Variants in CLSTN2 observed in about 807,000 individuals in gnomAD.
The protein encoded by CLSTN2 is calsyntenin-2.
CLSTN2 carries 48 observed loss-of-function variants against 101.2 expected under a neutral mutation model. The observed-to-expected ratio is 0.47, with a 90% confidence interval of 0.38 to 0.60. The LOEUF (loss-of-function observed/expected upper bound fraction) is 0.60. Among genes scored for constraint, CLSTN2 ranks in the 20% least tolerant of loss-of-function variants. CLSTN2 has a pLI of 0.00. For missense variants in CLSTN2, 1,160 were observed against 1,238.2 expected (o/e 0.94, Z 0.95); for synonymous variants, 481 against 463.6 (o/e 1.04, Z -0.48).
At chr3:140,522,769 TATTTTTATTTCCTTTCTGAA>T (rs1935057684) in intron 8 of CLSTN2, among the ~76,000 whole-genome samples, 1 of 152,258 alleles carries the variant, frequency 6.6e-6, no homozygotes, top group Non-Finnish European at 1.5e-5. Flanking sequence ...CTTATTGATT[TATTTTTATTTCCTTTCTGAA>T]ATTTTTATTC....
At position 140,562,208 on chromosome 3, in the gene CLSTN2, G is replaced by A. The variant is rs775826237; in HGVS notation, c.2112G>A (p.Gly704=). 14 of 1,613,872 alleles carry A rather than the reference G, an allele frequency of 8.7e-6. No individual in the cohort carries two copies. The highest frequency in any genetic ancestry group is 1.0e-5 in the Non-Finnish European group (12 of 1,179,920). The change falls in exon 13 of 17, where the codon GGG becomes GGA. Residue 704 remains glycine, a synonymous_variant. Coordinates refer to ENST00000458420, the MANE Select transcript of CLSTN2 (RefSeq NM_022131.3). ...LDFCDILVIG[G]DLDPRQECLE... is the part of the protein sequence containing the mutation. ...TCTGTGACATTTTGGTGATCGGAGG[G>A]GACTTGGACCCAAGGCAGGAGTGCT...
intron 2 of CLSTN2, among the ~76,000 whole-genome samples, chr3:140,261,668 A>G (rs1288458349): frequency 1.3e-5 from 2 of 150,416 alleles, no homozygotes; most frequent in Non-Finnish European, 2.9e-5. Flanking sequence ...TACTATGTAT[A>G]CTAGCCTGTT....
At chr3:139,964,324 A>G (rs957878070) in intron 1 of CLSTN2, among the ~76,000 whole-genome samples, 7 of 152,110 alleles carry the variant, frequency 4.6e-5, no homozygotes, top group African/African-American at 1.7e-4. Flanking sequence ...GGCTAGAGGA[A>G]TGTAGGAATG....
chr3:140,381,524 T>C (rs1174416064), intron 2 of CLSTN2, among the ~76,000 whole-genome samples: 3 of 152,226 alleles, frequency 2.0e-5, no homozygotes, highest in African/African-American at 7.2e-5. Flanking sequence ...TTGTTGTCAT[T>C]GTGAGGTCTA....
At chr3:140,473,336 C>A (rs1300950796) in intron 8 of CLSTN2, among the ~76,000 whole-genome samples, 1 of 152,138 alleles carries the variant, frequency 6.6e-6, no homozygotes, top group African/African-American at 2.4e-5. Context: ...AATAATGGTC[C>A]CCAAAGATGT....
At chr3:140,052,448 A>G (rs1475595141) in intron 1 of CLSTN2, among the ~76,000 whole-genome samples, 6 of 152,206 alleles carry the variant, frequency 3.9e-5, no homozygotes, top group Admixed American at 2.6e-4. Flanking sequence ...AAGCCACCGC[A>G]CCTGGCCAAT....
intron 1 of CLSTN2, among the ~76,000 whole-genome samples, chr3:140,029,073 T>C (rs2007491780): frequency 6.6e-6 from 1 of 152,206 alleles, no homozygotes; most frequent in Non-Finnish European, 1.5e-5. Context: ...CATTGCACGA[T>C]GAGTTTGGTG....
At chr3:139,939,123 A>G (rs1405139479) in intron 1 of CLSTN2, among the ~76,000 whole-genome samples, 1 of 152,162 alleles carries the variant, frequency 6.6e-6, no homozygotes, top group Non-Finnish European at 1.5e-5. Context: ...TGCAGAGACA[A>G]AGTTTACAAA....
At position 140,205,622 on chromosome 3, in the gene CLSTN2, C is replaced by G. The variant is rs1342425458; in HGVS notation, c.232+29549C>G. 2.0e-5 allele frequency among the ~76,000 whole-genome samples: 2 copies of G among 99,234 alleles called. 1 individual carries two copies. The highest frequency in any genetic ancestry group is 7.5e-5 in the African/African-American group (2 of 26,814). 65.1% of individuals were successfully genotyped at this position (99,234 alleles called of 152,430 possible). On this transcript the variant is annotated intron_variant, in intron 2 of 16. Coordinates refer to ENST00000458420, the MANE Select transcript of CLSTN2 (RefSeq NM_022131.3). ...GTTGTTGTTTGGACCTGACCCGCCC[C>G]CCACCCACACACACACACAGCCACC... is the stretch of plus-strand genomic sequence containing the variant.
At chr3:140,358,903 C>T (rs1018963529) in intron 2 of CLSTN2, among the ~76,000 whole-genome samples, 1 of 152,016 alleles carries the variant, frequency 6.6e-6, no homozygotes, top group African/African-American at 2.4e-5. Flanking sequence ...GGGTACACAC[C>T]AAGGCTGTCA....
intron 1 of CLSTN2, among the ~76,000 whole-genome samples, chr3:139,967,862 T>C (rs946455911): frequency 2.6e-5 from 4 of 152,152 alleles, no homozygotes; most frequent in Non-Finnish European, 5.9e-5. Context: ...AGGCAGAAAC[T>C]ACCCATTTTT....
rs959015264 is a variant in CLSTN2, at chr3:140,204,353, A to G, written c.232+28280A>G. Among the ~76,000 whole-genome samples the G allele has an allele frequency of 2.6e-5, 4 of 152,140 alleles. No individual in the cohort carries two copies. In the East Asian group the frequency reaches 7.7e-4, roughly 29 times the overall value. On this transcript the variant is annotated intron_variant, in intron 2 of 16. Transcript: ENST00000458420. ...TCTGTCCCTTTCTCTCCAAACTTGC[A>G]CGAGTTACTCACCCTTTCTCTGTGC...
intron 4 of CLSTN2, among the ~76,000 whole-genome samples, chr3:140,408,150 G>T (rs1280408532): frequency 6.6e-6 from 1 of 152,158 alleles, no homozygotes; most frequent in African/African-American, 2.4e-5. Flanking sequence ...GTTTCATCTT[G>T]CATGCATCAT....
At chr3:140,362,037 CA>C (rs1252955869) in intron 2 of CLSTN2, among the ~76,000 whole-genome samples, 1 of 152,088 alleles carries the variant, frequency 6.6e-6, no homozygotes, top group Non-Finnish European at 1.5e-5. Flanking sequence ...ATAACGAAGT[CA>C]AAGACTTAGG....
intron 6 of CLSTN2, among the ~76,000 whole-genome samples, chr3:140,449,029 A>G (rs1307210609): frequency 6.6e-6 from 1 of 152,200 alleles, no homozygotes; most frequent in African/African-American, 2.4e-5. Flanking sequence ...GCCCAAAGAA[A>G]CACGAGTTCC....
intron 9 of CLSTN2, among the ~76,000 whole-genome samples, chr3:140,535,544 T>G (rs1935341431): frequency 6.6e-6 from 1 of 152,240 alleles, no homozygotes; most frequent in South Asian, 2.1e-4. Context: ...TGGTCCTTTT[T>G]CCAGATATAC....
At chr3:140,206,612 T>C (rs935862066) in intron 2 of CLSTN2, among the ~76,000 whole-genome samples, 3 of 152,202 alleles carry the variant, frequency 2.0e-5, no homozygotes, top group African/African-American at 4.8e-5. Flanking sequence ...AGCAACTCTT[T>C]AGGGCTTCCT....
intron 2 of CLSTN2, among the ~76,000 whole-genome samples, chr3:140,323,829 T>C (rs1282951690): frequency 2.0e-5 from 3 of 152,244 alleles, no homozygotes; most frequent in Non-Finnish European, 4.4e-5. Context: ...GATAAGCAGC[T>C]TGATAACATC....
At chr3:140,095,687 T>A (rs1305464162) in intron 1 of CLSTN2, among the ~76,000 whole-genome samples, 1 of 152,234 alleles carries the variant, frequency 6.6e-6, no homozygotes, top group Non-Finnish European at 1.5e-5. Flanking sequence ...ATTATGAGTA[T>A]TGGTCACATG....
Sources: allele counts gnomAD v4.1 joint callset (sites outside exome capture counted in the v4.1 genomes callset), GRCh38; gene constraint gnomAD v4.1.1; transcripts MANE v1.5; gene names NCBI Gene and HGNC (gene_info 2026-07-23, HGNC 2026-07-21).